Variants in PPM1H observed in about 807,000 individuals in gnomAD.
The protein encoded by PPM1H is protein phosphatase 1H.
In PPM1H, 27 loss-of-function variants were observed where a neutral mutation model predicts 54.9. The ratio of observed to expected loss-of-function variants is 0.49; its 90% CI spans 0.36 to 0.68. The LOEUF (loss-of-function observed/expected upper bound fraction) is 0.68, where lower values mean the gene tolerates loss of function less well. Ranked by LOEUF, PPM1H falls within the 30% of genes least tolerant of loss-of-function variation. The probability of loss-of-function intolerance (pLI) is 0.00; values close to 1 mark genes in which losing one functional copy is unlikely to be tolerated. For synonymous variants in PPM1H, 305 were observed against 270.8 expected (o/e 1.13, Z -1.24); for missense variants, 596 against 667.8 (o/e 0.89, Z 1.19).
intron 8 of PPM1H, among the ~76,000 whole-genome samples, chr12:62,683,116 C>A (rs532510811): frequency 2.7e-5 from 4 of 145,806 alleles, no homozygotes; most frequent in Admixed American, 2.1e-4. Flanking sequence ...CTCCATGTTG[C>A]CCAGGTTGGT....
At chr12:62,737,636 A>T in intron 4 of PPM1H, 50 bp from the exon 5 acceptor site, 2 of 1,295,982 alleles carry the variant, frequency 1.5e-6, no homozygotes, top group Non-Finnish European at 2.2e-6. Context: ...AAATGCTCTG[A>T]TTCTGTTACA....
intron 6 of PPM1H, among the ~76,000 whole-genome samples, chr12:62,717,179 G>A (rs2076239455): frequency 2.0e-5 from 3 of 152,192 alleles, no homozygotes; most frequent in African/African-American, 7.2e-5. Flanking sequence ...TGACAAAGAT[G>A]TAAAGGGCTT....
intron 5 of PPM1H, among the ~76,000 whole-genome samples, chr12:62,731,476 A>C (rs188510429): frequency 6.6e-6 from 1 of 152,306 alleles, no homozygotes; most frequent in Admixed American, 6.5e-5. Flanking sequence ...GTTCAGGCTT[A>C]AGGAATACTT....
chr12:62,795,532 C>T (rs969793652), intron 3 of PPM1H, among the ~76,000 whole-genome samples: 1 of 151,702 alleles, frequency 6.6e-6, no homozygotes, highest in African/African-American at 2.4e-5. Context: ...CTGTAAGCTC[C>T]GCCTCCCGGG....
At chr12:62,694,611 C>T (rs1332868648) in intron 6 of PPM1H, among the ~76,000 whole-genome samples, 3 of 152,148 alleles carry the variant, frequency 2.0e-5, no homozygotes, top group Non-Finnish European at 4.4e-5. Flanking sequence ...GCCTGCACAG[C>T]GGAGGCGGGT....
rs1037973596 is a variant in PPM1H at position 62,647,986 on chromosome 12, G to C, written c.*503C>G. ...GAAACAGAGAAGAAAAAAAGAGAAG[G>C]GGGGCGGGGGGCAGACGGCAATCCC... On this transcript the variant is annotated 3_prime_UTR_variant, in exon 10 of 10. Transcript: ENST00000228705. The C allele has an allele frequency of 2.0e-5, 3 of 151,912 alleles. No individual in the cohort carries two copies. The highest frequency in any genetic ancestry group is 2.4e-5 in the African/African-American group (1 of 41,202). 9.4% of individuals were successfully genotyped at this position (151,912 alleles called of 1,614,324 possible). A position where few individuals can be genotyped will look rare whatever the true frequency, so the allele number is the denominator to read the frequency against.
At chr12:62,927,351 A>G (rs932582226) in intron 1 of PPM1H, among the ~76,000 whole-genome samples, 2 of 152,210 alleles carry the variant, frequency 1.3e-5, no homozygotes, top group East Asian at 3.9e-4. Context: ...AATATTAGGC[A>G]GTCGACATAT....
At chr12:62,677,597 C>A (rs940288398) in intron 8 of PPM1H, among the ~76,000 whole-genome samples, 2 of 152,170 alleles carry the variant, frequency 1.3e-5, no homozygotes, top group African/African-American at 4.8e-5. Context: ...AGTGGCCGAA[C>A]CCTGTACTTG....
Position 62,779,842 on chromosome 12 carries a change from A to C in PPM1H, c.869+8384T>G, listed in dbSNP as rs1020370686. Among the ~76,000 whole-genome samples, 4 of 152,346 alleles carry C rather than the reference A, an allele frequency of 2.6e-5. No individual in the cohort carries two copies. In the South Asian group the frequency reaches 8.3e-4, roughly 32 times the overall value. ...GACAAATATTTGATCTTTTACATCA[A>C]CAAAAGTTATCTTTTCATGTGGCTG... On this transcript the variant is annotated intron_variant, in intron 4 of 9. Transcript: ENST00000228705.
intron 4 of PPM1H, among the ~76,000 whole-genome samples, chr12:62,785,423 C>T (rs1217415286): frequency 6.6e-6 from 1 of 152,188 alleles, no homozygotes; most frequent in Non-Finnish European, 1.5e-5. Flanking sequence ...ATGATCCGCC[C>T]GCCTTGGCCT....
intron 1 of PPM1H, among the ~76,000 whole-genome samples, chr12:62,897,642 G>A (rs921301499): frequency 6.6e-6 from 1 of 152,130 alleles, no homozygotes; most frequent in African/African-American, 2.4e-5. Flanking sequence ...CTGGAATGGT[G>A]TGGGATCCCA....
intron 1 of PPM1H, among the ~76,000 whole-genome samples, chr12:62,873,451 C>T (rs1207665332): frequency 1.3e-5 from 2 of 152,142 alleles, no homozygotes; most frequent in South Asian, 2.1e-4. Context: ...CTTGCAGTCC[C>T]GAGAATGTTC....
chr12:62,889,746 C>A (rs535940273), intron 1 of PPM1H, among the ~76,000 whole-genome samples: 2 of 152,278 alleles, frequency 1.3e-5, no homozygotes, highest in African/African-American at 4.8e-5. Context: ...ACTCTAGACA[C>A]AGATTTTACA....
chr12:62,750,575 C>T (rs1238646552), intron 4 of PPM1H, among the ~76,000 whole-genome samples: 1 of 152,110 alleles, frequency 6.6e-6, no homozygotes, highest in Non-Finnish European at 1.5e-5. Context: ...CTGCTATGAA[C>T]ATTTGTGTAC....
At chr12:62,883,095 G>A (rs1666911) in intron 1 of PPM1H, among the ~76,000 whole-genome samples, 85,182 of 152,022 alleles carry the variant, frequency 0.56, 25,872 homozygotes, top group African/African-American at 0.79. Context: ...AACTGTTTTT[G>A]CTAGCCCAGC....
chr12:62,777,221 A>G (rs1264190276), intron 4 of PPM1H, among the ~76,000 whole-genome samples: 1 of 152,216 alleles, frequency 6.6e-6, no homozygotes, highest in Non-Finnish European at 1.5e-5. Flanking sequence ...AAAGAACATG[A>G]TTACAAATGT....
At chr12:62,886,811 G>A (rs1291028315) in intron 1 of PPM1H, among the ~76,000 whole-genome samples, 2 of 152,212 alleles carry the variant, frequency 1.3e-5, no homozygotes, top group East Asian at 3.8e-4. Flanking sequence ...AGAAAGGCAT[G>A]AGAAAGCCTG....
At chr12:62,838,920 C>T (rs1444256792) in intron 1 of PPM1H, among the ~76,000 whole-genome samples, 1 of 33,302 alleles carries the variant, frequency 3.0e-5, no homozygotes, top group Non-Finnish European at 5.1e-5. Flanking sequence ...GACTCCGTCT[C>T]AAAAAAAAAA....
chr12:62,875,020 T>C (rs1870110568), intron 1 of PPM1H, among the ~76,000 whole-genome samples: 1 of 152,226 alleles, frequency 6.6e-6, no homozygotes, highest in East Asian at 1.9e-4. Context: ...AAGGGTTCTC[T>C]TGGCCAAAGC....
Sources: gnomAD v4.1 joint callset for allele counts (sites outside exome capture counted in the v4.1 genomes callset) on GRCh38, gnomAD v4.1.1 for gene constraint, MANE v1.5 for transcripts, NCBI Gene and HGNC (gene_info 2026-07-23, HGNC 2026-07-21) for gene names.